Variants in RBMS1 observed in about 807,000 individuals in gnomAD.
RBMS1 encodes the protein RNA binding motif single stranded interacting protein 1.
RBMS1 carries 17 observed loss-of-function variants against 62.3 expected under a neutral mutation model. The observed-to-expected ratio is 0.27, with a 90% CI of 0.19 to 0.41. The LOEUF is 0.41. Among genes scored for constraint, RBMS1 ranks in the 10% least tolerant of loss-of-function variants. The pLI, the probability that RBMS1 is intolerant of heterozygous loss-of-function variation, is 1.00. For synonymous variants in RBMS1, 172 were observed against 170.0 expected (o/e 1.01, Z -0.09); for missense variants, 334 against 504.5 (o/e 0.66, Z 3.24).
intron 1 of RBMS1, among the ~76,000 whole-genome samples, chr2:160,449,217 G>A (rs896364624): frequency 2.0e-5 from 3 of 148,206 alleles, no homozygotes; most frequent in Admixed American, 2.0e-4. Context: ...GGCAGCCCCC[G>A]CCAGGCCAGC....
In RBMS1 at chr2:160,318,270, A is replaced by G. The variant is rs753089574; in HGVS notation, c.252-43T>C. ...AAAAAAAAGGAAAAAAAGAAAAGAAAGAAAAAGAAGTTATAAGGAACCCTT... is the reference window on the plus strand; with the variant it reads ...AAAAAAAAGGAAAAAAAGAAAAGAAGGAAAAAGAAGTTATAAGGAACCCTT... On this transcript the variant is annotated intron_variant, in intron 2 of 13. Coordinates refer to ENST00000348849, the MANE Select transcript of RBMS1 (RefSeq NM_016836.4). The G allele has an allele frequency of 1.1e-5, 17 of 1,497,860 alleles. No homozygotes were observed. In the African/African-American group the frequency reaches 2.3e-4, roughly 20 times the overall value. The allele number at this position is 1,497,860 out of a possible 1,614,324, so 92.8% of individuals were successfully genotyped here.
At chr2:160,446,027 G>A (rs369297407) in intron 1 of RBMS1, among the ~76,000 whole-genome samples, 1 of 152,110 alleles carries the variant, frequency 6.6e-6, no homozygotes, top group African/African-American at 2.4e-5. Flanking sequence ...GTGTCAAGTG[G>A]TTAACTCCAG....
At chr2:160,389,535 T>C (rs1358553564) in intron 1 of RBMS1, among the ~76,000 whole-genome samples, 2 of 151,558 alleles carry the variant, frequency 1.3e-5, no homozygotes, top group Non-Finnish European at 2.9e-5. Flanking sequence ...CCATCTCTAC[T>C]AAAAATACAA....
Position 160,426,285 on chromosome 2 carries a change from G to GAAAGAAAGA in RBMS1, c.76-58895_76-58894insTCTTTCTTT, listed in dbSNP as rs1395046461. Among the ~76,000 whole-genome samples, 36 of 100,204 alleles carry GAAAGAAAGA rather than the reference G, an allele frequency of 3.6e-4. No individual in the cohort carries two copies. In the East Asian group the frequency reaches 4.8e-3, roughly 13 times the overall value. 65.7% of individuals were successfully genotyped at this position (100,204 alleles called of 152,430 possible). A position where few individuals can be genotyped will look rare whatever the true frequency, so the allele number is the denominator to read the frequency against. On this transcript the variant is annotated intron_variant, in intron 1 of 13. Coordinates refer to ENST00000348849, the MANE Select transcript of RBMS1 (RefSeq NM_016836.4). ...AGAAAGAAAGAAAGAAAGAAAGAAA[G>GAAAGAAAGA]AAAGAAAAGAAAGAAGGAAGGAAGG... is the stretch of plus-strand genomic sequence containing the variant.
intron 1 of RBMS1, among the ~76,000 whole-genome samples, chr2:160,415,724 T>C (rs1331653306): frequency 6.6e-6 from 1 of 152,090 alleles, no homozygotes; most frequent in Non-Finnish European, 1.5e-5. Flanking sequence ...ATCCAAAACC[T>C]AAGATGGATA....
chr2:160,432,723 GAGTAAAGGTCACGC>G (rs1167820841), intron 1 of RBMS1, among the ~76,000 whole-genome samples: 1 of 152,108 alleles, frequency 6.6e-6, no homozygotes, highest in African/African-American at 2.4e-5. Flanking sequence ...GGGGAAAAGG[GAGTAAAGGTCACGC>G]AGGCCACCTG....
At chr2:160,360,611 C>T (rs570301588) in intron 2 of RBMS1, among the ~76,000 whole-genome samples, 3 of 152,280 alleles carry the variant, frequency 2.0e-5, no homozygotes, top group African/African-American at 4.8e-5. Flanking sequence ...ACCAAGAAGC[C>T]CTTTCTGTGC....
At chr2:160,292,044 T>C (rs1323728059) in intron 6 of RBMS1, among the ~76,000 whole-genome samples, 1 of 152,252 alleles carries the variant, frequency 6.6e-6, no homozygotes, top group Admixed American at 6.5e-5. Context: ...CATAGTATTT[T>C]ATTTGCATAG....
At chr2:160,392,411 G>A (rs928164968) in intron 1 of RBMS1, among the ~76,000 whole-genome samples, 2 of 151,182 alleles carry the variant, frequency 1.3e-5, no homozygotes, top group African/African-American at 2.4e-5. Context: ...AATTGTGACA[G>A]AGACCTTATG....
chr2:160,394,672 T>A (rs1188354682), intron 1 of RBMS1, among the ~76,000 whole-genome samples: 1 of 152,236 alleles, frequency 6.6e-6, no homozygotes, highest in Non-Finnish European at 1.5e-5. Flanking sequence ...TGCAACTTAC[T>A]ATTGCTAAAG....
At chr2:160,448,342 C>CT (rs1683760927) in intron 1 of RBMS1, among the ~76,000 whole-genome samples, 1 of 151,236 alleles carries the variant, frequency 6.6e-6, no homozygotes, top group African/African-American at 2.4e-5. Flanking sequence ...CCTCTGATGC[C>CT]GAGCGGAGGC....
intron 1 of RBMS1, among the ~76,000 whole-genome samples, chr2:160,482,275 T>A (rs564602070): frequency 4.6e-5 from 7 of 152,258 alleles, no homozygotes; most frequent in African/African-American, 1.7e-4. Context: ...CCAACAAAGA[T>A]AGAAGTCACA....
chr2:160,277,666 C>A (rs1687907789), intron 11 of RBMS1: 1 of 313,002 alleles, frequency 3.2e-6, no homozygotes, highest in Non-Finnish European at 6.1e-6. Context: ...AAAAGTTTGT[C>A]ACTCTCAATA....
intron 3 of RBMS1, among the ~76,000 whole-genome samples, chr2:160,317,912 C>T (rs898755537): frequency 1.3e-5 from 2 of 152,056 alleles, no homozygotes; most frequent in Non-Finnish European, 2.9e-5. Flanking sequence ...AATGCCAACC[C>T]GTATTTTGCA....
At chr2:160,335,641 C>A (rs1380314214) in intron 2 of RBMS1, among the ~76,000 whole-genome samples, 4 of 152,184 alleles carry the variant, frequency 2.6e-5, no homozygotes, top group Non-Finnish European at 4.4e-5. Flanking sequence ...ATTGGACTTA[C>A]AATCCTGATG....
At chr2:160,325,688 G>GT (rs1351757315) in intron 2 of RBMS1, among the ~76,000 whole-genome samples, 1 of 152,076 alleles carries the variant, frequency 6.6e-6, no homozygotes, top group Non-Finnish European at 1.5e-5. Context: ...AGCAAATAAA[G>GT]TTTTTTGGAG....
intron 1 of RBMS1, among the ~76,000 whole-genome samples, chr2:160,440,457 AG>A (rs1281513980): frequency 6.6e-6 from 1 of 152,182 alleles, no homozygotes; most frequent in Non-Finnish European, 1.5e-5. Flanking sequence ...CCCAAGCTGA[AG>A]AACACCTCAA....
intron 1 of RBMS1, among the ~76,000 whole-genome samples, chr2:160,396,793 G>C (rs1289748070): frequency 6.6e-6 from 1 of 151,996 alleles, no homozygotes; most frequent in Non-Finnish European, 1.5e-5. Flanking sequence ...TCGAACTCCT[G>C]ACCTCGTAAT....
At chr2:160,443,232 A>T (rs1216668340) in intron 1 of RBMS1, among the ~76,000 whole-genome samples, 2 of 151,866 alleles carry the variant, frequency 1.3e-5, no homozygotes, top group Non-Finnish European at 2.9e-5. Context: ...ACAAAAAAAA[A>T]AACCTTGACT....
Sources: allele counts gnomAD v4.1 joint callset (sites outside exome capture counted in the v4.1 genomes callset), GRCh38; gene constraint gnomAD v4.1.1; transcripts MANE v1.5; gene names NCBI Gene and HGNC (gene_info 2026-07-23, HGNC 2026-07-21).